Variants in SIL1 observed in about 807,000 individuals in gnomAD.
SIL1 encodes nucleotide exchange factor SIL1.
In SIL1, 40 loss-of-function variants were observed where a neutral mutation model predicts 49.1. The observed-to-expected ratio is 0.81, with a 90% CI of 0.63 to 1.06. The LOEUF (loss-of-function observed/expected upper bound fraction) is 1.06, where lower values mean the gene tolerates loss of function less well. SIL1 is among the 50% of genes least tolerant of loss of function. The probability of loss-of-function intolerance (pLI) is 0.00; values close to 1 mark genes in which losing one functional copy is unlikely to be tolerated. For synonymous variants in SIL1, 253 were observed against 250.8 expected, an observed-to-expected ratio of 1.01 and a Z score of -0.08; for missense variants, 500 against 572.6, an observed-to-expected ratio of 0.87 and a Z score of 1.29.
At chr5:139,059,254 T>C (rs1769529824) in intron 3 of SIL1, among the ~76,000 whole-genome samples, 1 of 152,108 alleles carries the variant, frequency 6.6e-6, no homozygotes, top group South Asian at 2.1e-4. Flanking sequence ...CCTGTGATGG[T>C]GAATAAGCCT....
intron 7 of SIL1, among the ~76,000 whole-genome samples, chr5:138,966,077 G>A (rs889050372): frequency 8.6e-5 from 13 of 151,998 alleles, no homozygotes; most frequent in African/African-American, 3.1e-4. Context: ...GTTACTTCAT[G>A]AGGCTACCGA....
intron 7 of SIL1, among the ~76,000 whole-genome samples, chr5:138,997,463 G>C (rs750201567): frequency 1.8e-4 from 28 of 152,160 alleles, no homozygotes; most frequent in Non-Finnish European, 3.2e-4. Context: ...ATTTACACCT[G>C]GGTTCTGGGT....
chr5:139,185,167 T>G (rs1453856506), intron 1 of SIL1, among the ~76,000 whole-genome samples: 2 of 152,232 alleles, frequency 1.3e-5, no homozygotes, highest in East Asian at 1.9e-4. Flanking sequence ...GACGTGCCTG[T>G]TAGGTTCACT....
At chr5:138,982,613 A>C (rs148938793) in intron 7 of SIL1, among the ~76,000 whole-genome samples, 3 of 152,196 alleles carry the variant, frequency 2.0e-5, no homozygotes, top group African/African-American at 7.2e-5. Flanking sequence ...CCCCACTTCA[A>C]GTAAAGGGCA....
At chr5:139,191,543 G>A (rs1752171833) in intron 1 of SIL1, among the ~76,000 whole-genome samples, 1 of 151,880 alleles carries the variant, frequency 6.6e-6, no homozygotes, top group Non-Finnish European at 1.5e-5. Context: ...GCTCTAGAAG[G>A]CCAAGGTAGG....
chr5:139,048,377 T>G (rs933254758), intron 4 of SIL1, among the ~76,000 whole-genome samples: 2 of 138,244 alleles, frequency 1.4e-5, no homozygotes, highest in African/African-American at 5.7e-5. Flanking sequence ...TGGTTTTTTT[T>G]TTTTTTTTTT....
At chr5:139,194,699 G>A (rs550447765) in intron 1 of SIL1, among the ~76,000 whole-genome samples, 1 of 152,274 alleles carries the variant, frequency 6.6e-6, no homozygotes, top group South Asian at 2.1e-4. Flanking sequence ...AAATCCCTAG[G>A]AATAGCGACT....
At chr5:139,149,008 A>G (rs1291617848) in intron 1 of SIL1, among the ~76,000 whole-genome samples, 2 of 152,182 alleles carry the variant, frequency 1.3e-5, no homozygotes, top group Non-Finnish European at 2.9e-5. Flanking sequence ...AGCTTGGTTA[A>G]TATCACAGAC....
intron 3 of SIL1, among the ~76,000 whole-genome samples, chr5:139,092,934 A>AG (rs1346897492): frequency 6.6e-6 from 1 of 152,244 alleles, no homozygotes; most frequent in African/African-American, 2.4e-5. Context: ...CTTTGCCCTC[A>AG]TGAATGATTA....
chr5:139,069,206 T>C (rs11957527), intron 3 of SIL1, among the ~76,000 whole-genome samples: 40,545 of 152,018 alleles, frequency 0.27, 6,173 homozygotes, highest in Middle Eastern at 0.4. Context: ...GAGGATCACT[T>C]GAGCCCAGGA....
At chr5:139,025,560 C>T (rs983198288) in intron 6 of SIL1, among the ~76,000 whole-genome samples, 1 of 152,160 alleles carries the variant, frequency 6.6e-6, no homozygotes, top group Non-Finnish European at 1.5e-5. Flanking sequence ...GCTTCAAACT[C>T]TCTAGTGGTT....
At chr5:139,117,578 G>GA (rs920682148) in intron 3 of SIL1, among the ~76,000 whole-genome samples, 2 of 152,036 alleles carry the variant, frequency 1.3e-5, no homozygotes, top group African/African-American at 4.8e-5. Flanking sequence ...ACAAATTCCT[G>GA]AGTTCCCTGC....
chr5:139,044,818 C>G (rs1296641341), intron 4 of SIL1, among the ~76,000 whole-genome samples: 3 of 152,198 alleles, frequency 2.0e-5, no homozygotes, highest in Admixed American at 2.0e-4. Context: ...TCTGGTTATC[C>G]TGCCATTTCC....
intron 1 of SIL1, among the ~76,000 whole-genome samples, chr5:139,146,348 G>A (rs1447644692): frequency 6.6e-6 from 1 of 152,098 alleles, no homozygotes; most frequent in South Asian, 2.1e-4. Context: ...CTTGAGCCCA[G>A]GAGTTCAAGA....
intron 7 of SIL1, among the ~76,000 whole-genome samples, chr5:138,986,792 T>C (rs1767658280): frequency 6.6e-6 from 1 of 152,224 alleles, no homozygotes; most frequent in African/African-American, 2.4e-5. Context: ...ATACATTTCT[T>C]GAAGAAAAAT....
intron 3 of SIL1, among the ~76,000 whole-genome samples, chr5:139,073,707 C>T (rs1369821652): frequency 2.6e-5 from 4 of 151,874 alleles, no homozygotes; most frequent in African/African-American, 7.3e-5. Context: ...TTTGGGAGAC[C>T]GAGGCAGGTG....
chr5:139,009,354 GTC>G (rs1211088838), intron 7 of SIL1, among the ~76,000 whole-genome samples: 1 of 147,208 alleles, frequency 6.8e-6, no homozygotes, highest in Non-Finnish European at 1.5e-5. Context: ...GCCTATGTGT[GTC>G]TCTGCACGTG....
intron 3 of SIL1, among the ~76,000 whole-genome samples, chr5:139,103,874 A>G (rs923947931): frequency 6.6e-6 from 1 of 152,178 alleles, no homozygotes; most frequent in East Asian, 1.9e-4. Context: ...AGATCTTGTC[A>G]TTGCCAAGCC....
intron 1 of SIL1, among the ~76,000 whole-genome samples, chr5:139,189,237 G>C (rs1396389631): frequency 1.3e-5 from 2 of 152,210 alleles, no homozygotes; most frequent in Non-Finnish European, 2.9e-5. Flanking sequence ...AAGTGAGTGA[G>C]CAAAGCTTCA....
Sources: allele counts gnomAD v4.1 joint callset (sites outside exome capture counted in the v4.1 genomes callset), GRCh38; gene constraint gnomAD v4.1.1; transcripts MANE v1.5; gene names NCBI Gene and HGNC (gene_info 2026-07-23, HGNC 2026-07-21).